FCRL3: variants seen among roughly 807,000 people sequenced by gnomAD.
The protein encoded by FCRL3 is Fc receptor like 3.
Under a neutral mutation model 75.0 loss-of-function variants are expected in FCRL3, and 89 were observed. The ratio of observed to expected loss-of-function variants is 1.19; its 90% CI spans 1.00 to 1.42. The LOEUF (loss-of-function observed/expected upper bound fraction) is 1.42. Among genes scored for constraint, FCRL3 ranks in the 40% most tolerant of loss-of-function variants. The pLI, the probability that FCRL3 is intolerant of heterozygous loss-of-function variation, is 0.00. For missense variants in FCRL3, 946 were observed against 880.0 expected (o/e 1.07, Z -0.95); for synonymous variants, 376 against 348.5 (o/e 1.08, Z -0.88).
chr1:157,690,211 A>G, intron 9 of FCRL3, 44 bp downstream of exon 9: 1 of 1,593,596 alleles, frequency 6.3e-7, no homozygotes, highest in Non-Finnish European at 8.6e-7. Context: ...TAACTATTTT[A>G]TTTACCATAA....
chr1:157,691,402 A>G (rs1655533992), intron 8 of FCRL3, among the ~76,000 whole-genome samples: 1 of 152,214 alleles, frequency 6.6e-6, no homozygotes, highest in African/African-American at 2.4e-5. Flanking sequence ...GGCAAGGGTA[A>G]CTTGATAAGG....
chr1:157,695,861 C>T (rs536225249), intron 7 of FCRL3, 179 bp downstream of exon 7: 58 of 720,986 alleles, frequency 8.0e-5, no homozygotes, highest in African/African-American at 7.2e-4. Context: ...TGCCATCTTT[C>T]CATTTCTTGG....
intron 13 of FCRL3, among the ~76,000 whole-genome samples, chr1:157,679,836 A>AAAAAAAAAAAAAAAAAAAAAAAAAAAAG (rs1209684452): frequency 7.6e-6 from 1 of 132,112 alleles, no homozygotes. Flanking sequence ...CTCACAAAAA[A>AAAAAAAAAAAAAAAAAAAAAAAAAAAAG]AAAAAAAAAA....
chr1:157,696,227 T>G lies in FCRL3; in HGVS notation c.945A>C (p.Ser315=). ...MVLICSVAQG[S]GTVTFSWHKE... is the part of the protein sequence containing the mutation. ...TGTGCCAGGAGAATGTGACAGTCCC[T>G]GAACCCTGGGCTACTGAGCAAATAA... is the stretch of plus-strand genomic sequence containing the variant. Residue 315 remains serine, a synonymous_variant, in exon 7 of 15, where the codon TCA becomes TCC. Coordinates refer to ENST00000368184, the MANE Select transcript of FCRL3 (RefSeq NM_052939.4). 5 of 1,614,048 alleles carry G rather than the reference T, an allele frequency of 3.1e-6. No individual in the cohort carries two copies. The highest frequency in any genetic ancestry group is 3.4e-6 in the Non-Finnish European group (4 of 1,180,010).
intron 8 of FCRL3, among the ~76,000 whole-genome samples, chr1:157,693,070 G>A (rs1482682065): frequency 6.6e-6 from 1 of 151,966 alleles, no homozygotes; most frequent in Non-Finnish European, 1.5e-5. Flanking sequence ...GAGCTCAGAA[G>A]TTCGAGACCA....
At position 157,698,511 on chromosome 1, in the gene FCRL3, A is replaced by G. The variant is rs1326246701; in HGVS notation, c.171T>C (p.Tyr57=). 2.0e-5 allele frequency: 32 copies of G among 1,614,064 alleles called. No individual in the cohort carries two copies. Among genetic ancestry groups the G allele is most frequent in the Non-Finnish European group, 2.7e-5 (32 of 1,180,022 alleles). ...ISHSLAQGDT[Y]WYHDEKLLKI... ...TCAACAACTTCTCATCGTGATACCA[A>G]TATGTGTCTCCCTGGGCTAGGGAAT... Residue 57 remains tyrosine, a synonymous_variant, in exon 4 of 15, where the codon TAT becomes TAC. Coordinates refer to ENST00000368184, the MANE Select transcript of FCRL3 (RefSeq NM_052939.4).
In FCRL3 at chr1:157,694,316, T is replaced by C. The variant is rs937083261; in HGVS notation, c.1411+1013A>G. Among the ~76,000 whole-genome samples, 4 of 152,306 alleles carry C rather than the reference T, an allele frequency of 2.6e-5. No individual in the cohort carries two copies. In the East Asian group the frequency reaches 7.7e-4, roughly 29 times the overall value. ...CAAGGTTAAACAAATGATATTTTCT[T>C]GTTCAAGACTCGAGTCTCTGTTTCA... On this transcript the variant is annotated intron_variant, in intron 8 of 14. Coordinates refer to ENST00000368184, the MANE Select transcript of FCRL3 (RefSeq NM_052939.4).
chr1:157,697,941 A>T, intron 4 of FCRL3, 22 bp from the exon 5 acceptor site: 1 of 1,609,792 alleles, frequency 6.2e-7, no homozygotes, highest in Non-Finnish European at 8.5e-7. Flanking sequence ...ACAGGAGCAC[A>T]CTCAGGTTAT....
Position 157,695,488 on chromosome 1 carries a change from A to G in FCRL3, c.1252T>C (p.Tyr418His). 1 of 1,614,178 alleles carries G rather than the reference A, an allele frequency of 6.2e-7. No individual in the cohort carries two copies. Among genetic ancestry groups the G allele is most frequent in the Non-Finnish European group, 8.5e-7 (1 of 1,180,012 alleles). The change falls in exon 8 of 15, where the codon TAT (tyrosine) becomes CAT (histidine). Residue 418 changes from tyrosine to histidine, a missense_variant. Coordinates refer to ENST00000368184, the MANE Select transcript of FCRL3 (RefSeq NM_052939.4). ...RGSPPILYRFYHEDVTLGNSS... is the reference protein window; with the variant it reads ...RGSPPILYRFHHEDVTLGNSS... ...TTCCCCAGGGTGACATCCTCATGAT[A>G]AAATCGGTACAGGATCGGGGGAGAG...
Position 157,676,696 on chromosome 1 carries a change from T to C in FCRL3, c.*2014A>G, listed in dbSNP as rs1267450858. The C allele has an allele frequency of 6.5e-7, 1 of 1,549,594 alleles. No individual in the cohort carries two copies. The highest frequency in any genetic ancestry group is 8.7e-7 in the Non-Finnish European group (1 of 1,146,178). The stretch of plus-strand genomic sequence containing the variant: ...CTCACCCCTTCTTCCACTCACATAC[T>C]CTGATTTGCACAGGGCTAAGTGTTA... On this transcript the variant is annotated 3_prime_UTR_variant, in exon 15 of 15. Transcript: ENST00000368184.
At position 157,697,389 on chromosome 1, in the gene FCRL3, A is replaced by G. The variant is rs1482670478; in HGVS notation, c.595T>C (p.Ser199Pro). ...FLHPVLRASS[S>P]TPIEGSPMTL... ...ATGGGACTCCCCTCTATGGGCGTGG[A>G]AGAGCTGGCTCTCAGCACAGGATGT... Residue 199 changes from serine (S) to proline (P), a missense_variant, in exon 6 of 15, where the codon TCC (serine) becomes CCC (proline). Ser to Pro is a moderately conservative substitution (Grantham distance 74, BLOSUM62 -1). Transcript: ENST00000368184. 8.3e-6 allele frequency: 13 copies of G among 1,564,362 alleles called. No homozygotes were observed. Among genetic ancestry groups the G allele is most frequent in the African/African-American group, 1.4e-5 (1 of 72,998 alleles).
rs1299239406 is a variant in FCRL3 at position 157,696,232 on chromosome 1, C to A, written c.940G>T (p.Gly314Cys). ...CAGGAGAATGTGACAGTCCCTGAAC[C>A]CTGGGCTACTGAGCAAATAAGGACC... The part of the protein sequence containing the change: ...NMVLICSVAQ[G>C]SGTVTFSWHK... The change falls in exon 7 of 15, where the codon GGT (glycine) becomes TGT (cysteine). Residue 314 changes from glycine to cysteine, a missense_variant. Gly to Cys is a radical substitution (Grantham distance 159). Transcript: ENST00000368184. 5 of 1,613,956 alleles carry A rather than the reference C, an allele frequency of 3.1e-6. No individual in the cohort carries two copies. The South Asian group carries it at 5.5e-5, about 18-fold the overall frequency.
chr1:157,698,232 T>A, intron 4 of FCRL3, 152 bp downstream of exon 4: 1 of 982,822 alleles, frequency 1.0e-6, no homozygotes, highest in Non-Finnish European at 1.5e-6. Context: ...TCCAGCATCA[T>A]GCTGCTGCCC....
In FCRL3 at chr1:157,677,263, G is replaced by A; in HGVS notation, c.*1447C>T. 2.0e-6 allele frequency: 2 copies of A among 997,424 alleles called. No homozygotes were observed. The highest frequency in any genetic ancestry group is 2.4e-6 in the Non-Finnish European group (2 of 836,404). 61.8% of individuals were successfully genotyped at this position (997,424 alleles called of 1,614,324 possible). Reference sequence around the variant, plus strand: ...AGTGATGGAACCTAAGGGTAGCAGAGTTTATGGTGACCCTGTAGTGTATCT... The same window carrying A: ...AGTGATGGAACCTAAGGGTAGCAGAATTTATGGTGACCCTGTAGTGTATCT... On this transcript the variant is annotated 3_prime_UTR_variant, in exon 15 of 15. Transcript: ENST00000368184.
At chr1:157,695,021 C>G (rs533717070) in intron 8 of FCRL3, among the ~76,000 whole-genome samples, 2 of 152,158 alleles carry the variant, frequency 1.3e-5, no homozygotes, top group South Asian at 4.1e-4. Flanking sequence ...GTGCCATTTT[C>G]CTTTGTCAGT....
chr1:157,687,786 G>C (rs1216504034), intron 10 of FCRL3, among the ~76,000 whole-genome samples: 1 of 151,578 alleles, frequency 6.6e-6, no homozygotes, highest in African/African-American at 2.4e-5. Flanking sequence ...ACTACTAGAT[G>C]GGGGAGATGG....
intron 10 of FCRL3, among the ~76,000 whole-genome samples, chr1:157,684,954 TA>T (rs1476794106): frequency 6.6e-6 from 1 of 152,094 alleles, no homozygotes; most frequent in Non-Finnish European, 1.5e-5. Flanking sequence ...GGAGGTACAA[TA>T]AGCAAGATTT....
intron 8 of FCRL3, among the ~76,000 whole-genome samples, chr1:157,693,752 C>CTTTA (rs747866069): frequency 6.7e-6 from 1 of 150,012 alleles, no homozygotes; most frequent in Non-Finnish European, 1.5e-5. Flanking sequence ...CTCTTTCTTT[C>CTTTA]TTTCTTCCTT....
intron 10 of FCRL3, among the ~76,000 whole-genome samples, chr1:157,685,155 A>T (rs940055662): frequency 3.9e-5 from 6 of 151,934 alleles, no homozygotes; most frequent in African/African-American, 1.5e-4. Flanking sequence ...CAACACTGAG[A>T]TTCAAATGTC....
Sources: gnomAD v4.1 joint callset for allele counts (sites outside exome capture counted in the v4.1 genomes callset) on GRCh38, gnomAD v4.1.1 for gene constraint, MANE v1.5 for transcripts, NCBI Gene and HGNC (gene_info 2026-07-23, HGNC 2026-07-21) for gene names.